SLC25A26: variants seen among roughly 807,000 people sequenced by gnomAD.
SLC25A26 encodes the protein mitochondrial S-adenosylmethionine carrier protein.
Under a neutral mutation model 37.8 loss-of-function variants are expected in SLC25A26, and 36 were observed. The ratio of observed to expected loss-of-function variants is 0.95; its 90% CI spans 0.73 to 1.26. SLC25A26 has a LOEUF of 1.26. Among genes scored for constraint, SLC25A26 ranks in the 50% most tolerant of loss-of-function variants. The pLI, the probability that SLC25A26 is intolerant of heterozygous loss-of-function variation, is 0.00. For missense variants in SLC25A26, 390 were observed against 331.1 expected (o/e 1.18, Z -1.38); for synonymous variants, 129 against 122.5 (o/e 1.05, Z -0.35).
At chr3:66,344,905 C>G (rs562235695) in intron 5 of SLC25A26, among the ~76,000 whole-genome samples, 6 of 152,300 alleles carry the variant, frequency 3.9e-5, no homozygotes, top group Admixed American at 2.0e-4. Context: ...GGCTTCTTAC[C>G]TCCTAACTGC....
chr3:66,338,471 A>G (rs370738006), intron 5 of SLC25A26, among the ~76,000 whole-genome samples: 42 of 152,078 alleles, frequency 2.8e-4, no homozygotes, highest in African/African-American at 9.9e-4. Context: ...GATTTCTGCC[A>G]TTTTAGTGGA....
At chr3:66,268,812 C>T (rs963485188) in intron 5 of SLC25A26, among the ~76,000 whole-genome samples, 1 of 152,176 alleles carries the variant, frequency 6.6e-6, no homozygotes, top group African/African-American at 2.4e-5. Flanking sequence ...AGAGAGTTCT[C>T]ACAAGAGCTG....
intron 5 of SLC25A26, among the ~76,000 whole-genome samples, chr3:66,310,794 T>G (rs948081235): frequency 6.6e-6 from 1 of 152,228 alleles, no homozygotes. Context: ...GAAAGTTCTT[T>G]TCTTTAAGAA....
chr3:66,138,731 G>C (rs899318239), intron 1 of SLC25A26, among the ~76,000 whole-genome samples: 2 of 152,066 alleles, frequency 1.3e-5, no homozygotes, highest in Non-Finnish European at 2.9e-5. Flanking sequence ...AGAGCCAGAG[G>C]TTCCTCTTCA....
At chr3:66,154,428 T>G (rs2070250551) in intron 1 of SLC25A26, among the ~76,000 whole-genome samples, 1 of 152,122 alleles carries the variant, frequency 6.6e-6, no homozygotes, top group Non-Finnish European at 1.5e-5. Context: ...TACTGTCTCA[T>G]GGAAGAGGCA....
intron 1 of SLC25A26, among the ~76,000 whole-genome samples, chr3:66,166,496 A>G (rs985120183): frequency 3.3e-5 from 5 of 152,204 alleles, no homozygotes; most frequent in African/African-American, 1.2e-4. Context: ...TGTGAATTTA[A>G]TTCATTGTGT....
chr3:66,326,117 T>C (rs2075831238), intron 5 of SLC25A26, among the ~76,000 whole-genome samples: 1 of 152,096 alleles, frequency 6.6e-6, no homozygotes, highest in South Asian at 2.1e-4. Flanking sequence ...CCTGGATGCA[T>C]AGTGGCCATA....
chr3:66,206,021 T>A (rs1346688664), intron 1 of SLC25A26, among the ~76,000 whole-genome samples: 3 of 152,174 alleles, frequency 2.0e-5, no homozygotes, highest in African/African-American at 7.2e-5. Context: ...CCTGGGAACC[T>A]CTGAGAAACT....
At chr3:66,141,903 C>T (rs944670653) in intron 1 of SLC25A26, among the ~76,000 whole-genome samples, 3 of 152,242 alleles carry the variant, frequency 2.0e-5, no homozygotes, top group Admixed American at 6.5e-5. Flanking sequence ...TAGATTTAGT[C>T]ATGGCAGAGA....
intron 6 of SLC25A26, among the ~76,000 whole-genome samples, chr3:66,351,453 A>G (rs2076451469): frequency 6.6e-6 from 1 of 152,192 alleles, no homozygotes; most frequent in African/African-American, 2.4e-5. Flanking sequence ...ACAAGAAGAG[A>G]AGCATGATAG....
At chr3:66,287,937 G>T (rs1195573120) in intron 5 of SLC25A26, among the ~76,000 whole-genome samples, 1 of 152,288 alleles carries the variant, frequency 6.6e-6, no homozygotes, top group East Asian at 1.9e-4. Context: ...TCAAACGTTT[G>T]CTGTAGTTTT....
chr3:66,154,729 G>T (rs889639116), intron 1 of SLC25A26, among the ~76,000 whole-genome samples: 2 of 151,932 alleles, frequency 1.3e-5, no homozygotes, highest in Admixed American at 6.6e-5. Flanking sequence ...CGATCCACCC[G>T]CCACGGCCTC....
chr3:66,191,069 T>G (rs1324212947), intron 1 of SLC25A26, among the ~76,000 whole-genome samples: 8 of 144,192 alleles, frequency 5.5e-5, no homozygotes, highest in Non-Finnish European at 9.2e-5. Context: ...GAAACTTTAT[T>G]GCTTCTTAGG....
At chr3:66,168,175 ATG>A (rs1164107532) in intron 1 of SLC25A26, among the ~76,000 whole-genome samples, 1 of 59,262 alleles carries the variant, frequency 1.7e-5, no homozygotes, top group African/African-American at 1.1e-4. Flanking sequence ...ATATATATAT[ATG>A]TGTGTGTGTA....
intron 5 of SLC25A26, among the ~76,000 whole-genome samples, chr3:66,289,204 T>C (rs2074619429): frequency 6.6e-6 from 1 of 152,228 alleles, no homozygotes; most frequent in South Asian, 2.1e-4. Context: ...TTTAAGTTCC[T>C]TGTAGATTCT....
At chr3:66,356,167 T>G (rs2076570875) in intron 6 of SLC25A26, 2 of 440,718 alleles carry the variant, frequency 4.5e-6, no homozygotes, top group Admixed American at 2.6e-5. Flanking sequence ...GGTGGGTCTT[T>G]TAAAAGTGAA....
At chr3:66,322,326 A>G (rs1207922417) in intron 5 of SLC25A26, among the ~76,000 whole-genome samples, 1 of 152,242 alleles carries the variant, frequency 6.6e-6, no homozygotes, top group Non-Finnish European at 1.5e-5. Context: ...AGTTAAAGAT[A>G]TTAAAGTTTT....
At chr3:66,298,457 G>C (rs1056992237) in intron 5 of SLC25A26, among the ~76,000 whole-genome samples, 3 of 152,096 alleles carry the variant, frequency 2.0e-5, no homozygotes, top group Non-Finnish European at 4.4e-5. Context: ...TCTTTGTGGG[G>C]TTTTCTTTTT....
At chr3:66,268,495 C>T (rs2073840754) in intron 5 of SLC25A26, among the ~76,000 whole-genome samples, 1 of 152,284 alleles carries the variant, frequency 6.6e-6, no homozygotes, top group East Asian at 1.9e-4. Context: ...TATCTGAGAA[C>T]AGTTTTATTT....
Sources: allele counts gnomAD v4.1 joint callset (sites outside exome capture counted in the v4.1 genomes callset), GRCh38; gene constraint gnomAD v4.1.1; transcripts MANE v1.5; gene names NCBI Gene and HGNC (gene_info 2026-07-23, HGNC 2026-07-21).